The following FCHSD2 variants were observed in gnomAD, a reference collection of about 807,000 sequenced individuals.
FCHSD2 encodes FCH and double SH3 domains 2.
Under a neutral mutation model 108.1 loss-of-function variants are expected in FCHSD2, and 38 were observed. The observed-to-expected ratio is 0.35, with a 90% CI of 0.27 to 0.46. The LOEUF (loss-of-function observed/expected upper bound fraction) is 0.46, where lower values mean the gene tolerates loss of function less well. FCHSD2 is among the 20% of genes least tolerant of loss of function. FCHSD2 has a pLI of 1.00. For synonymous variants in FCHSD2, 279 were observed against 314.7 expected (o/e 0.89, Z 1.20); for missense variants, 751 against 897.8 (o/e 0.84, Z 2.09).
At position 73,119,401 on chromosome 11, in the gene FCHSD2, A is replaced by G. The variant is rs535868114; in HGVS notation, c.119+20630T>C. Among the ~76,000 whole-genome samples the G allele has an allele frequency of 7.0e-4, 106 of 152,306 alleles. 1 individual carries two copies. The highest frequency in any genetic ancestry group is 3.3e-3 in the South Asian group (16 of 4,830). On this transcript the variant is annotated intron_variant, in intron 2 of 19. Coordinates refer to ENST00000409418, the MANE Select transcript of FCHSD2 (RefSeq NM_014824.3). ...CATTAAATTCAAATCTATATACTTT[A>G]AAATTTTTATGTGCTTAATATATCC... is the stretch of plus-strand genomic sequence containing the variant.
intron 12 of FCHSD2, 106 bp downstream of exon 12, chr11:72,887,364 C>A: frequency 1.4e-6 from 1 of 705,988 alleles, no homozygotes. Flanking sequence ...GACGGTGAAT[C>A]ACCTTCATCT....
intron 3 of FCHSD2, among the ~76,000 whole-genome samples, chr11:73,045,340 C>G (rs1416595153): frequency 1.3e-5 from 2 of 149,296 alleles, no homozygotes; most frequent in East Asian, 3.9e-4. Context: ...CTAGTTCAAC[C>G]ATTGTGGAAG....
intron 9 of FCHSD2, among the ~76,000 whole-genome samples, chr11:72,918,247 T>C (rs764286040): frequency 3.9e-5 from 6 of 152,260 alleles, no homozygotes; most frequent in Non-Finnish European, 7.3e-5. Context: ...TTTTATCTTA[T>C]ATGTTGCTAA....
At chr11:72,885,843 A>G (rs1855186085) in intron 12 of FCHSD2, among the ~76,000 whole-genome samples, 1 of 152,168 alleles carries the variant, frequency 6.6e-6, no homozygotes, top group South Asian at 2.1e-4. Flanking sequence ...AAAGAGAAAA[A>G]TGACTATTCA....
Position 72,932,509 on chromosome 11 carries a change from A to G in FCHSD2, c.706-10559T>C, listed in dbSNP as rs115888856. Among the ~76,000 whole-genome samples, 179 of 152,270 alleles carry G rather than the reference A, an allele frequency of 1.2e-3. 1 individual carries two copies. Among genetic ancestry groups the G allele is most frequent in the African/African-American group, 4.1e-3 (172 of 41,568 alleles). On this transcript the variant is annotated intron_variant, in intron 8 of 19. Coordinates refer to ENST00000409418, the MANE Select transcript of FCHSD2 (RefSeq NM_014824.3). ...TCTCCTTCCGTATTACACCTTCTCT[A>G]CAATGCAGTTTTTGGCTTCTCCAAT...
chr11:72,989,221 A>C (rs1208418150), intron 5 of FCHSD2, 124 bp from the exon 6 acceptor site: 1 of 632,844 alleles, frequency 1.6e-6, no homozygotes, highest in Non-Finnish European at 2.6e-6. Flanking sequence ...CAGTACGTTC[A>C]GTGTCCTTCA....
chr11:73,017,181 G>A (rs1313959222), intron 3 of FCHSD2, among the ~76,000 whole-genome samples: 2 of 151,942 alleles, frequency 1.3e-5, no homozygotes, highest in African/African-American at 4.8e-5. Flanking sequence ...ACAGTGTTTC[G>A]CCATGTTGCC....
rs1861212312 is a variant in FCHSD2, at chr11:73,140,112, T to C, written c.38A>G (p.Glu13Gly). The change falls in exon 2 of 20, where the codon GAA becomes GGA. Residue 13 changes from glutamate (E) to glycine (G), a missense_variant. Coordinates refer to ENST00000409418, the MANE Select transcript of FCHSD2 (RefSeq NM_014824.3). ...PPPRKVKVTQ[E>G]LKNIQVEQMT... ...CTGCTCAACTTGAATGTTTTTCAGTTCTTGTGTAACTTTCACCTAAAATAT... is the reference window on the plus strand; with the variant it reads ...CTGCTCAACTTGAATGTTTTTCAGTCCTTGTGTAACTTTCACCTAAAATAT... The C allele has an allele frequency of 6.5e-7, 1 of 1,541,976 alleles. No homozygotes were observed. The highest frequency in any genetic ancestry group is 2.4e-5 in the East Asian group (1 of 41,106).
chr11:72,957,433 T>C (rs958734117), intron 8 of FCHSD2, among the ~76,000 whole-genome samples: 3 of 151,232 alleles, frequency 2.0e-5, no homozygotes, highest in East Asian at 1.9e-4. Context: ...CAGTCTATCA[T>C]TGTTGGACAT....
intron 8 of FCHSD2, among the ~76,000 whole-genome samples, chr11:72,953,857 T>A (rs1856661530): frequency 6.6e-6 from 1 of 152,110 alleles, no homozygotes; most frequent in Non-Finnish European, 1.5e-5. Context: ...TGAGGAAACA[T>A]CACATGTGAA....
At chr11:73,059,596 T>A (rs1466006875) in intron 3 of FCHSD2, among the ~76,000 whole-genome samples, 1 of 152,182 alleles carries the variant, frequency 6.6e-6, no homozygotes, top group African/African-American at 2.4e-5. Flanking sequence ...CTTCTTTCCA[T>A]GGTAAGAGGA....
At chr11:72,920,543 C>T (rs1352434728) in intron 9 of FCHSD2, among the ~76,000 whole-genome samples, 2 of 152,148 alleles carry the variant, frequency 1.3e-5, no homozygotes, top group Non-Finnish European at 2.9e-5. Flanking sequence ...ACTTCAAGAC[C>T]AGCCTGATCA....
At chr11:72,991,546 G>T (rs950109461) in intron 5 of FCHSD2, among the ~76,000 whole-genome samples, 1 of 152,146 alleles carries the variant, frequency 6.6e-6, no homozygotes, top group African/African-American at 2.4e-5. Context: ...GGGATGCAAG[G>T]CTGGTTCAAC....
At chr11:72,988,184 T>C (rs1857345566) in intron 6 of FCHSD2, among the ~76,000 whole-genome samples, 2 of 152,212 alleles carry the variant, frequency 1.3e-5, no homozygotes, top group African/African-American at 4.8e-5. Flanking sequence ...TTCAGACTCC[T>C]AGATTTTGCA....
At chr11:72,881,917 G>A (rs1855096841) in intron 12 of FCHSD2, among the ~76,000 whole-genome samples, 1 of 152,142 alleles carries the variant, frequency 6.6e-6, no homozygotes, top group Admixed American at 6.5e-5. Context: ...CGAGGGGGGC[G>A]AATCATGAGG....
At chr11:73,011,407 G>A (rs1267692888) in intron 4 of FCHSD2, among the ~76,000 whole-genome samples, 1 of 152,142 alleles carries the variant, frequency 6.6e-6, no homozygotes, top group Non-Finnish European at 1.5e-5. Flanking sequence ...GGGAATACTT[G>A]CCCCAGCACC....
At chr11:72,975,923 T>C (rs1386019446) in intron 8 of FCHSD2, among the ~76,000 whole-genome samples, 1 of 152,208 alleles carries the variant, frequency 6.6e-6, no homozygotes, top group African/African-American at 2.4e-5. Flanking sequence ...TGACACACTG[T>C]ATCTCATTCT....
intron 8 of FCHSD2, among the ~76,000 whole-genome samples, chr11:72,959,712 T>A (rs1425632049): frequency 6.6e-6 from 1 of 152,206 alleles, no homozygotes; most frequent in Non-Finnish European, 1.5e-5. Context: ...TTTCTATGTG[T>A]TTACTGAAAG....
chr11:73,130,375 G>T (rs1860968118), intron 2 of FCHSD2, among the ~76,000 whole-genome samples: 1 of 152,156 alleles, frequency 6.6e-6, no homozygotes, highest in Non-Finnish European at 1.5e-5. Context: ...AAGGACTACA[G>T]GCACGTGCTA....
Sources: gnomAD v4.1 joint callset for allele counts (sites outside exome capture counted in the v4.1 genomes callset) on GRCh38, gnomAD v4.1.1 for gene constraint, MANE v1.5 for transcripts, NCBI Gene and HGNC (gene_info 2026-07-23, HGNC 2026-07-21) for gene names.